Variants in ZNF385B observed in about 807,000 individuals in gnomAD.
ZNF385B encodes zinc finger protein 533.
A neutral mutation model predicts 39.2 loss-of-function variants in ZNF385B; 23 were observed. That is an observed-to-expected ratio of 0.59 (90% CI 0.42 to 0.83). ZNF385B has a LOEUF of 0.83. ZNF385B is among the 40% of genes least tolerant of loss of function. The pLI is 0.00. For synonymous variants in ZNF385B, 205 were observed against 222.6 expected (o/e 0.92, Z 0.70); for missense variants, 552 against 598.9 (o/e 0.92, Z 0.82).
At chr2:179,770,330 T>C (rs1703942020) in intron 2 of ZNF385B, among the ~76,000 whole-genome samples, 191 bp downstream of exon 2, 1 of 152,188 alleles carries the variant, frequency 6.6e-6, no homozygotes, top group Non-Finnish European at 1.5e-5. Flanking sequence ...ACTGCACCTG[T>C]TACATAATAG....
intron 3 of ZNF385B, among the ~76,000 whole-genome samples, chr2:179,760,221 T>C (rs1043983196): frequency 9.3e-4 from 129 of 138,664 alleles, no homozygotes; most frequent in Middle Eastern, 7.8e-3. Context: ...GATTCCTGTG[T>C]GCGTGTGTGT....
intron 1 of ZNF385B, among the ~76,000 whole-genome samples, chr2:179,840,360 T>C (rs1708477371): frequency 1.3e-5 from 2 of 152,188 alleles, no homozygotes; most frequent in Admixed American, 1.3e-4. Flanking sequence ...CTGAATACTA[T>C]GCAAAGGAGC....
intron 1 of ZNF385B, among the ~76,000 whole-genome samples, chr2:179,837,267 T>A (rs192268271): frequency 2.8e-4 from 43 of 152,344 alleles, no homozygotes; most frequent in African/African-American, 1.0e-3. Flanking sequence ...ATTTCTATGA[T>A]AATGAACTAT....
At chr2:179,495,870 C>T (rs943466614) in intron 5 of ZNF385B, among the ~76,000 whole-genome samples, 1 of 152,136 alleles carries the variant, frequency 6.6e-6, no homozygotes, top group Non-Finnish European at 1.5e-5. Flanking sequence ...GCAAAGCCTT[C>T]CCAAGAAGGA....
intron 3 of ZNF385B, among the ~76,000 whole-genome samples, chr2:179,755,144 T>C (rs1015243146): frequency 6.6e-6 from 1 of 152,232 alleles, no homozygotes; most frequent in Admixed American, 6.5e-5. Flanking sequence ...TTTGTTCTCA[T>C]TGGTTTCAAA....
At chr2:179,547,221 G>A (rs1285433097) in intron 3 of ZNF385B, among the ~76,000 whole-genome samples, 1 of 149,308 alleles carries the variant, frequency 6.7e-6, no homozygotes, top group Non-Finnish European at 1.5e-5. Context: ...TTTGTAACTT[G>A]TGATCTCATT....
intron 5 of ZNF385B, among the ~76,000 whole-genome samples, chr2:179,511,824 G>T (rs1182023196): frequency 1.3e-5 from 2 of 152,050 alleles, no homozygotes; most frequent in African/African-American, 4.8e-5. Context: ...ACAGCAAAAA[G>T]AACAGAAGGC....
At chr2:179,748,985 G>C (rs979111089) in intron 3 of ZNF385B, among the ~76,000 whole-genome samples, 7 of 152,032 alleles carry the variant, frequency 4.6e-5, no homozygotes, top group African/African-American at 1.7e-4. Flanking sequence ...TTAGTATCTA[G>C]AACACAATCA....
intron 5 of ZNF385B, among the ~76,000 whole-genome samples, chr2:179,510,369 G>A (rs574648605): frequency 5.0e-4 from 76 of 152,048 alleles, no homozygotes; most frequent in Non-Finnish European, 1.0e-3. Flanking sequence ...ATGTGTATAT[G>A]TGTGTATGTG....
At chr2:179,793,281 T>C (rs936804114) in intron 1 of ZNF385B, among the ~76,000 whole-genome samples, 5 of 152,104 alleles carry the variant, frequency 3.3e-5, no homozygotes, top group African/African-American at 7.2e-5. Flanking sequence ...AGAAAAGAAA[T>C]GGATGCATTT....
At chr2:179,705,841 A>C (rs544868379) in intron 3 of ZNF385B, among the ~76,000 whole-genome samples, 2 of 152,360 alleles carry the variant, frequency 1.3e-5, no homozygotes, top group African/African-American at 4.8e-5. Context: ...AGTCTGTTCC[A>C]ATAAACTTGA....
intron 5 of ZNF385B, among the ~76,000 whole-genome samples, chr2:179,493,803 A>ATACATATATGTG (rs1559338789): frequency 3.3e-5 from 4 of 119,636 alleles, no homozygotes; most frequent in East Asian, 2.4e-4. Flanking sequence ...ACATATATGT[A>ATACATATATGTG]TATATACATA....
chr2:179,825,898 G>A (rs576986391), intron 1 of ZNF385B, among the ~76,000 whole-genome samples: 2 of 152,008 alleles, frequency 1.3e-5, no homozygotes, highest in Non-Finnish European at 2.9e-5. Context: ...ACCACTTCAG[G>A]ATTGCCCCCC....
chr2:179,625,152 A>G (rs1248902083), intron 3 of ZNF385B, among the ~76,000 whole-genome samples: 1 of 152,196 alleles, frequency 6.6e-6, no homozygotes, highest in Non-Finnish European at 1.5e-5. Context: ...TGTCTCCTCC[A>G]TAAAACTTCA....
At chr2:179,494,101 T>C (rs2055890535) in intron 5 of ZNF385B, among the ~76,000 whole-genome samples, 1 of 152,044 alleles carries the variant, frequency 6.6e-6, no homozygotes, top group Admixed American at 6.6e-5. Flanking sequence ...GACTATGGTG[T>C]AACGTGCCAT....
rs576562709 is a variant in ZNF385B at position 179,445,919 on chromosome 2, G to T, written c.962-191C>A. ...GAAAAATGTAAGCGTATATAATAAA[G>T]AAAATATACAGAAACATAAGGAAAT... On this transcript the variant is annotated intron_variant, in intron 7 of 9. Transcript: ENST00000410066. 5.3e-5 allele frequency among the ~76,000 whole-genome samples: 8 copies of T among 151,964 alleles called. No homozygotes were observed. In the South Asian group the frequency reaches 1.7e-3, roughly 32 times the overall value.
chr2:179,641,247 G>C (rs908649885), intron 3 of ZNF385B, among the ~76,000 whole-genome samples: 1 of 151,918 alleles, frequency 6.6e-6, no homozygotes, highest in African/African-American at 2.4e-5. Flanking sequence ...TGTTTTTTTA[G>C]CCTGAAGGAA....
chr2:179,799,589 A>G (rs902468438), intron 1 of ZNF385B, among the ~76,000 whole-genome samples: 5 of 152,106 alleles, frequency 3.3e-5, no homozygotes, highest in Admixed American at 2.0e-4. Context: ...AACTGGATGG[A>G]AATCTTAGCT....
chr2:179,688,833 C>T (rs1698132580), intron 3 of ZNF385B, among the ~76,000 whole-genome samples: 1 of 152,156 alleles, frequency 6.6e-6, no homozygotes, highest in African/African-American at 2.4e-5. Flanking sequence ...CTACCAATTG[C>T]CCTAGACCCT....
Sources: gnomAD v4.1 joint callset for allele counts (sites outside exome capture counted in the v4.1 genomes callset) on GRCh38, gnomAD v4.1.1 for gene constraint, MANE v1.5 for transcripts, NCBI Gene and HGNC (gene_info 2026-07-23, HGNC 2026-07-21) for gene names.